Variants in IGF2BP2 observed in about 807,000 individuals in gnomAD.
IGF2BP2 encodes insulin-like growth factor 2 mRNA-binding protein 2.
A neutral mutation model predicts 75.8 loss-of-function variants in IGF2BP2; 17 were observed. The ratio of observed to expected loss-of-function variants is 0.22; its 90% CI spans 0.15 to 0.34. The LOEUF (loss-of-function observed/expected upper bound fraction) is 0.34. Ranked by LOEUF, IGF2BP2 falls within the 10% of genes least tolerant of loss-of-function variation. The pLI, the probability that IGF2BP2 is intolerant of heterozygous loss-of-function variation, is 1.00. For missense variants in IGF2BP2, 516 were observed against 772.4 expected (o/e 0.67, Z 3.93); for synonymous variants, 288 against 295.6 (o/e 0.97, Z 0.26).
chr3:185,647,101 A>G lies in IGF2BP2; in HGVS notation c.1631T>C (p.Ile544Thr), dbSNP rs750462832. Residue 544 changes from isoleucine (I) to threonine (T), a missense_variant, in exon 15 of 16, where the codon ATC becomes ACC. Coordinates refer to ENST00000382199, the MANE Select transcript of IGF2BP2 (RefSeq NM_006548.6). This position sits in a 1 kb window ranked among gnomAD's most constrained non-coding sequence, Gnocchi z 4.9. ...ELQNLTSAEV[I>T]VPRDQTPDEN... ...ATCTGGCGTTTGGTCACGAGGCACG[A>G]TGACTTCTGCACTGGTTAAGTTCTG... 6.2e-7 allele frequency: 1 copy of G among 1,614,042 alleles called. No homozygotes were observed. The highest frequency in any genetic ancestry group is 1.3e-5 in the African/African-American group (1 of 74,924).
chr3:185,731,913 C>T (rs1195714574), intron 2 of IGF2BP2, among the ~76,000 whole-genome samples: 1 of 151,816 alleles, frequency 6.6e-6, no homozygotes, highest in East Asian at 1.9e-4. Context: ...ATCCGGGAGG[C>T]AGAGTTTGCA....
In IGF2BP2 at chr3:185,705,159, C is replaced by T. The variant is rs1050317481; in HGVS notation, c.240-6812G>A. Among the ~76,000 whole-genome samples, 3 of 152,196 alleles carry T rather than the reference C, an allele frequency of 2.0e-5. No individual in the cohort carries two copies. The South Asian group carries it at 6.2e-4, about 32-fold the overall frequency. ...TTGCCCAGGCTAGAGTGCAGTGGTG[C>T]GATCTTGGCTCACTGCAACCTCCGC... On this transcript the variant is annotated intron_variant, in intron 2 of 15. Transcript: ENST00000382199.
At chr3:185,713,257 T>G (rs866194440) in intron 2 of IGF2BP2, 24 of 353,360 alleles carry the variant, frequency 6.8e-5, no homozygotes, top group African/African-American at 4.3e-4. Flanking sequence ...ATAACTCAGA[T>G]GTTGGTTAAT....
At chr3:185,679,320 TC>T (rs1250253635) in intron 7 of IGF2BP2, among the ~76,000 whole-genome samples, 1 of 152,154 alleles carries the variant, frequency 6.6e-6, no homozygotes, top group African/African-American at 2.4e-5. Context: ...CATCTTAAAG[TC>T]ATAGCATCCT....
chr3:185,774,305 G>GT (rs1734251689), intron 2 of IGF2BP2, among the ~76,000 whole-genome samples: 1 of 152,156 alleles, frequency 6.6e-6, no homozygotes, highest in South Asian at 2.1e-4. Context: ...GACTAAGAAA[G>GT]TAAAAACAGG....
At chr3:185,811,828 G>GTGTCTC (rs1578391181) in intron 2 of IGF2BP2, among the ~76,000 whole-genome samples, 2 of 120,170 alleles carry the variant, frequency 1.7e-5, no homozygotes, top group Non-Finnish European at 3.8e-5. Context: ...TCAGAGTAGG[G>GTGTCTC]TGTCTCTCTC....
chr3:185,768,900 G>A (rs1223840879), intron 2 of IGF2BP2, among the ~76,000 whole-genome samples: 3 of 152,172 alleles, frequency 2.0e-5, no homozygotes, highest in African/African-American at 2.4e-5. Context: ...GGTGGCATGC[G>A]CCTGTAGTCC....
intron 2 of IGF2BP2, among the ~76,000 whole-genome samples, chr3:185,701,850 G>A (rs1426271157): frequency 2.0e-5 from 3 of 152,130 alleles, no homozygotes; most frequent in Non-Finnish European, 4.4e-5. Context: ...AGACTATCCT[G>A]AGGGATTATC....
intron 2 of IGF2BP2, among the ~76,000 whole-genome samples, chr3:185,772,685 G>T (rs149373045): frequency 0.031 from 4,673 of 149,960 alleles, 115 homozygotes; most frequent in Middle Eastern, 0.056. Flanking sequence ...AGATTCAAGC[G>T]ATTCTCCTGT....
At chr3:185,648,111 T>C (rs1256684298) in intron 14 of IGF2BP2, among the ~76,000 whole-genome samples, 1 of 152,232 alleles carries the variant, frequency 6.6e-6, no homozygotes, top group Non-Finnish European at 1.5e-5. Context: ...TAAAGCTGAC[T>C]CATTACATCT....
chr3:185,790,018 GCCACTGTGC>G (rs1408894064), intron 2 of IGF2BP2, among the ~76,000 whole-genome samples: 2 of 152,164 alleles, frequency 1.3e-5, no homozygotes, highest in Non-Finnish European at 2.9e-5. Flanking sequence ...ACAGGTGTGA[GCCACTGTGC>G]CCAGCTGCAA....
At chr3:185,673,528 T>C (rs923610233) in intron 9 of IGF2BP2, among the ~76,000 whole-genome samples, 1 of 152,162 alleles carries the variant, frequency 6.6e-6, no homozygotes, top group South Asian at 2.1e-4. Flanking sequence ...CATTTCTACA[T>C]GGGGATGGTC....
At chr3:185,823,770 C>T (rs1362872510) in intron 1 of IGF2BP2, among the ~76,000 whole-genome samples, 1 of 151,866 alleles carries the variant, frequency 6.6e-6, no homozygotes, top group African/African-American at 2.4e-5. Context: ...GGGCTCCCGC[C>T]GGGCCGGGGT....
chr3:185,707,568 A>G (rs1481986901), intron 2 of IGF2BP2, among the ~76,000 whole-genome samples: 1 of 151,988 alleles, frequency 6.6e-6, no homozygotes, highest in African/African-American at 2.4e-5. Flanking sequence ...TGGCTTCCCA[A>G]AGTGCTGGGA....
chr3:185,734,003 G>A (rs1051095797), intron 2 of IGF2BP2, among the ~76,000 whole-genome samples: 1 of 152,022 alleles, frequency 6.6e-6, no homozygotes, highest in Non-Finnish European at 1.5e-5. Context: ...AGTATTTCTG[G>A]TGACCAAAAA....
chr3:185,804,968 G>A (rs1418885272), intron 2 of IGF2BP2, among the ~76,000 whole-genome samples: 1 of 150,150 alleles, frequency 6.7e-6, no homozygotes, highest in Admixed American at 6.6e-5. Flanking sequence ...ACTCCAGCCT[G>A]GGTGACAGAG....
chr3:185,646,015 G>A (rs1330374416), intron 15 of IGF2BP2, among the ~76,000 whole-genome samples: 1 of 152,174 alleles, frequency 6.6e-6, no homozygotes, highest in East Asian at 1.9e-4. Flanking sequence ...GGACAGGGGA[G>A]GGAGGGAGGA....
At chr3:185,741,958 C>A (rs1402007723) in intron 2 of IGF2BP2, among the ~76,000 whole-genome samples, 23 of 152,030 alleles carry the variant, frequency 1.5e-4, no homozygotes, top group Admixed American at 1.5e-3. Flanking sequence ...TGTTAGCCAA[C>A]CACTTACACT....
chr3:185,658,197 A>G lies in IGF2BP2; in HGVS notation c.1269+144T>C, dbSNP rs533017388. The G allele has an allele frequency of 5.1e-6, 4 of 785,094 alleles. No homozygotes were observed. The South Asian group carries it at 6.4e-5, about 13-fold the overall frequency. 48.6% of individuals were successfully genotyped at this position (785,094 alleles called of 1,614,324 possible). On this transcript the variant is annotated intron_variant, in intron 11 of 15. Coordinates refer to ENST00000382199, the MANE Select transcript of IGF2BP2 (RefSeq NM_006548.6). Reference sequence around the variant, plus strand: ...GGGTGCTGGGGAGTTTGGCGTGCTCAGGCTTTGAGGTGTGTCACTCCCAGG... The same window carrying G: ...GGGTGCTGGGGAGTTTGGCGTGCTCGGGCTTTGAGGTGTGTCACTCCCAGG...
Sources: gnomAD v4.1 joint callset for allele counts (sites outside exome capture counted in the v4.1 genomes callset) on GRCh38, gnomAD v4.1.1 for gene constraint, Gnocchi (gnomAD v3.1) non-coding constraint, MANE v1.5 for transcripts, NCBI Gene and HGNC (gene_info 2026-07-23, HGNC 2026-07-21) for gene names.